Variants in KIAA1958 observed in about 807,000 individuals in gnomAD.
The protein encoded by KIAA1958 is uncharacterized protein KIAA1958.
In KIAA1958, 14 loss-of-function variants were observed where a neutral mutation model predicts 47.2. The observed-to-expected ratio is 0.30, with a 90% CI of 0.20 to 0.46. The LOEUF is 0.46. Ranked by LOEUF, KIAA1958 falls within the 20% of genes least tolerant of loss-of-function variation. KIAA1958 has a pLI of 1.00. For missense variants in KIAA1958, 803 were observed against 909.2 expected (o/e 0.88, Z 1.50); for synonymous variants, 354 against 353.3 (o/e 1.00, Z -0.02).
At position 112,618,886 on chromosome 9, in the gene KIAA1958, C is replaced by T. The variant is rs1341601980; in HGVS notation, c.1172-26764C>T. 1.9e-6 allele frequency: 3 copies of T among 1,544,870 alleles called. No individual in the cohort carries two copies. Among genetic ancestry groups the T allele is most frequent in the Admixed American group, 3.9e-5 (2 of 50,870 alleles). On this transcript the variant is annotated intron_variant, in intron 2 of 3. Transcript: ENST00000337530. This position sits in a 1 kb window ranked among gnomAD's most constrained non-coding sequence, Gnocchi z 7.1. Reference sequence around the variant, plus strand: ...ACAATGGCAATTTCATCGTCTCCGCCTCCTATGACTCTTCCTCAGACACCG... The same window carrying T: ...ACAATGGCAATTTCATCGTCTCCGCTTCCTATGACTCTTCCTCAGACACCG...
intron 1 of KIAA1958, among the ~76,000 whole-genome samples, chr9:112,527,159 T>C (rs1336053874): frequency 1.3e-5 from 2 of 152,262 alleles, no homozygotes; most frequent in African/African-American, 4.8e-5. Context: ...GCAGTGACTT[T>C]ATAAAACATA....
At chr9:112,535,503 G>A (rs1388523196) in intron 1 of KIAA1958, among the ~76,000 whole-genome samples, 1 of 151,932 alleles carries the variant, frequency 6.6e-6, no homozygotes, top group African/African-American at 2.4e-5. Flanking sequence ...CACTTAGGCT[G>A]CTTCCATGTC....
chr9:112,507,267 G>A (rs915206046), intron 1 of KIAA1958, among the ~76,000 whole-genome samples: 1 of 152,092 alleles, frequency 6.6e-6, no homozygotes. Flanking sequence ...CTCTTTTCAG[G>A]GCTTAGGTTG....
chr9:112,592,156 G>A (rs1835934374), intron 2 of KIAA1958, among the ~76,000 whole-genome samples: 1 of 152,146 alleles, frequency 6.6e-6, no homozygotes, highest in African/African-American at 2.4e-5. Context: ...GAATGAGGGT[G>A]GAGTAGGTAA....
At chr9:112,530,502 T>C (rs992538782) in intron 1 of KIAA1958, among the ~76,000 whole-genome samples, 3 of 152,258 alleles carry the variant, frequency 2.0e-5, no homozygotes, top group Non-Finnish European at 4.4e-5. Context: ...GAGTTTGGAC[T>C]GTTGAACAGA....
intron 1 of KIAA1958, among the ~76,000 whole-genome samples, chr9:112,533,050 A>G (rs1310184236): frequency 1.3e-5 from 2 of 152,092 alleles, no homozygotes; most frequent in African/African-American, 4.8e-5. Context: ...CAATAATCTT[A>G]CCTTCCTCCC....
chr9:112,656,764 G>A (rs1035178814), intron 3 of KIAA1958, among the ~76,000 whole-genome samples: 2 of 151,952 alleles, frequency 1.3e-5, no homozygotes, highest in African/African-American at 4.8e-5. Context: ...CACTCTTTGG[G>A]GCTATTGAGA....
At chr9:112,637,462 A>G (rs937350463) in intron 2 of KIAA1958, among the ~76,000 whole-genome samples, 1 of 151,794 alleles carries the variant, frequency 6.6e-6, no homozygotes. Flanking sequence ...GCTCACTGCA[A>G]CCTCCTCCAG....
At chr9:112,542,504 A>T (rs959450838) in intron 1 of KIAA1958, among the ~76,000 whole-genome samples, 2 of 152,232 alleles carry the variant, frequency 1.3e-5, no homozygotes, top group Non-Finnish European at 2.9e-5. Flanking sequence ...AAACTACTCT[A>T]CAACTCTTTG....
At chr9:112,552,214 C>T (rs1026680739) in intron 1 of KIAA1958, among the ~76,000 whole-genome samples, 1 of 152,150 alleles carries the variant, frequency 6.6e-6, no homozygotes, top group East Asian at 1.9e-4. Context: ...GAATTTAGTT[C>T]ACTTACATGT....
intron 1 of KIAA1958, among the ~76,000 whole-genome samples, chr9:112,551,954 T>C (rs1835158826): frequency 6.6e-6 from 1 of 152,244 alleles, no homozygotes; most frequent in Non-Finnish European, 1.5e-5. Context: ...AGTTCCAGTT[T>C]ATGTTCATCC....
chr9:112,600,472 T>C (rs1025903478), intron 2 of KIAA1958, among the ~76,000 whole-genome samples: 4 of 152,234 alleles, frequency 2.6e-5, no homozygotes, highest in Non-Finnish European at 5.9e-5. Context: ...GGGAGCATTC[T>C]CTGATTCTAC....
intron 2 of KIAA1958, among the ~76,000 whole-genome samples, chr9:112,601,101 G>C (rs62568632): frequency 0.11 from 16,817 of 152,176 alleles, 1,381 homozygotes; most frequent in East Asian, 0.2. Flanking sequence ...CCCTGAAAGG[G>C]GTCAGCTAAG....
At chr9:112,506,015 G>T (rs1834229056) in intron 1 of KIAA1958, among the ~76,000 whole-genome samples, 1 of 152,168 alleles carries the variant, frequency 6.6e-6, no homozygotes, top group Admixed American at 6.5e-5. Flanking sequence ...AGAGACAGAA[G>T]ACCGCTGAAC....
chr9:112,598,290 G>T (rs558240860), intron 2 of KIAA1958, among the ~76,000 whole-genome samples: 3 of 152,314 alleles, frequency 2.0e-5, no homozygotes, highest in South Asian at 4.1e-4. Flanking sequence ...CACTGTCGTT[G>T]GCATGGAGGA....
intron 1 of KIAA1958, among the ~76,000 whole-genome samples, chr9:112,515,894 T>TCAA: frequency 1.0e-5 from 1 of 97,118 alleles, no homozygotes; most frequent in Middle Eastern, 5.7e-3. Context: ...AAAAATAAAT[T>TCAA]AAAAAAAAAA....
chr9:112,565,190 A>G (rs895468745), intron 1 of KIAA1958, among the ~76,000 whole-genome samples: 1 of 152,224 alleles, frequency 6.6e-6, no homozygotes, highest in Non-Finnish European at 1.5e-5. Context: ...CTACTTGCCT[A>G]AGTTCATAGC....
chr9:112,555,542 G>A (rs999304804), intron 1 of KIAA1958, among the ~76,000 whole-genome samples: 3 of 152,152 alleles, frequency 2.0e-5, no homozygotes, highest in Non-Finnish European at 2.9e-5. Flanking sequence ...ATCTCTAGAG[G>A]CTGGAAAGTC....
At chr9:112,567,711 C>T (rs1223638521) in intron 1 of KIAA1958, among the ~76,000 whole-genome samples, 1 of 151,966 alleles carries the variant, frequency 6.6e-6, no homozygotes, top group Admixed American at 6.6e-5. Context: ...GTAATCCCAG[C>T]ACTTTGGGAG....
Sources: allele counts gnomAD v4.1 joint callset (sites outside exome capture counted in the v4.1 genomes callset), GRCh38; gene constraint gnomAD v4.1.1; non-coding constraint Gnocchi (gnomAD v3.1); transcripts MANE v1.5; gene names NCBI Gene and HGNC (gene_info 2026-07-23, HGNC 2026-07-21).